Variants in CCDC3 observed in about 807,000 individuals in gnomAD.
CCDC3 encodes the protein coiled-coil domain-containing protein 3.
A neutral mutation model predicts 21.4 loss-of-function variants in CCDC3; 24 were observed. The observed-to-expected ratio is 1.12, with a 90% CI of 0.81 to 1.58. The LOEUF is 1.58. CCDC3 is among the 40% of genes most tolerant of loss of function. The pLI is 0.00. For missense variants in CCDC3, 425 were observed against 360.9 expected (o/e 1.18, Z -1.44); for synonymous variants, 186 against 166.0 (o/e 1.12, Z -0.93).
intron 2 of CCDC3, among the ~76,000 whole-genome samples, chr10:12,952,125 G>A (rs189396374): frequency 2.0e-5 from 3 of 152,246 alleles, no homozygotes; most frequent in Non-Finnish European, 4.4e-5. Flanking sequence ...GCCCAAATCA[G>A]GTGAGACCAA....
At chr10:13,077,936 G>A (rs1836986188) in intron 3 of CCDC3, among the ~76,000 whole-genome samples, 1 of 152,108 alleles carries the variant, frequency 6.6e-6, no homozygotes, top group South Asian at 2.1e-4. Context: ...TACCATTCAG[G>A]ACATAGGCAT....
At chr10:13,044,407 G>T (rs1465905051) in intron 5 of CCDC3, among the ~76,000 whole-genome samples, 1 of 152,182 alleles carries the variant, frequency 6.6e-6, no homozygotes, top group African/African-American at 2.4e-5. Flanking sequence ...TGAGGACTTT[G>T]TCATAAATTC....
At chr10:12,986,730 G>A (rs977849961) in intron 2 of CCDC3, among the ~76,000 whole-genome samples, 2 of 150,240 alleles carry the variant, frequency 1.3e-5, no homozygotes, top group East Asian at 2.0e-4. Context: ...CCGAGATCGT[G>A]CCACTGCACC....
chr10:12,996,781 G>A (rs1835767909), intron 2 of CCDC3, among the ~76,000 whole-genome samples: 1 of 152,162 alleles, frequency 6.6e-6, no homozygotes, highest in Non-Finnish European at 1.5e-5. Flanking sequence ...GTCCTTTGCA[G>A]ACATGGATGC....
chr10:12,925,533 C>T (rs760898974), intron 2 of CCDC3, among the ~76,000 whole-genome samples: 1 of 152,228 alleles, frequency 6.6e-6, no homozygotes, highest in Non-Finnish European at 1.5e-5. Flanking sequence ...ACACTCTGAC[C>T]CTGCCTAGCA....
intron 5 of CCDC3, among the ~76,000 whole-genome samples, chr10:13,042,133 C>T (rs1317803994): frequency 1.3e-5 from 2 of 152,210 alleles, no homozygotes; most frequent in Non-Finnish European, 1.5e-5. Flanking sequence ...CAAATATTAA[C>T]GATGCCGTTT....
intron 4 of CCDC3, among the ~76,000 whole-genome samples, chr10:13,061,203 A>C (rs1836753325): frequency 6.6e-6 from 1 of 152,194 alleles, no homozygotes; most frequent in Non-Finnish European, 1.5e-5. Flanking sequence ...AGCCATTCTA[A>C]AATCTTCCTG....
intron 3 of CCDC3, among the ~76,000 whole-genome samples, chr10:13,088,226 T>C (rs1837136516): frequency 6.6e-6 from 1 of 152,166 alleles, no homozygotes; most frequent in Non-Finnish European, 1.5e-5. Flanking sequence ...ATTGTAAAAG[T>C]AGTGTTGGTT....
intron 4 of CCDC3, among the ~76,000 whole-genome samples, chr10:13,065,152 T>A (rs543195484): frequency 6.6e-6 from 1 of 152,278 alleles, no homozygotes; most frequent in Non-Finnish European, 1.5e-5. Context: ...TGAATACAGA[T>A]CTCTTTGTTA....
intron 5 of CCDC3, among the ~76,000 whole-genome samples, chr10:13,023,518 G>A (rs1836175080): frequency 6.6e-6 from 1 of 152,094 alleles, no homozygotes; most frequent in African/African-American, 2.4e-5. Flanking sequence ...ATGCCCCAGT[G>A]TGCAAGTATT....
At chr10:13,080,637 A>T (rs756127465) in intron 3 of CCDC3, among the ~76,000 whole-genome samples, 16 of 152,276 alleles carry the variant, frequency 1.1e-4, no homozygotes, top group Non-Finnish European at 1.9e-4. Context: ...AACCCCTTAT[A>T]AAGAAAATCT....
intron 2 of CCDC3, among the ~76,000 whole-genome samples, chr10:12,952,864 A>T (rs1412608957): frequency 6.6e-6 from 1 of 152,054 alleles, no homozygotes; most frequent in Non-Finnish European, 1.5e-5. Context: ...CCATGTGCAC[A>T]TCCATGGGTT....
chr10:12,938,954 A>G (rs577981951), intron 2 of CCDC3, among the ~76,000 whole-genome samples: 1 of 152,278 alleles, frequency 6.6e-6, no homozygotes, highest in Non-Finnish European at 1.5e-5. Flanking sequence ...AAATAAACAC[A>G]CACAATAAAT....
upstream of CCDC3, among the ~76,000 whole-genome samples, chr10:13,003,910 A>C (rs1423801980): frequency 6.6e-6 from 1 of 152,214 alleles, no homozygotes; most frequent in Admixed American, 6.5e-5. Context: ...TTCAGCAGAC[A>C]CATCAGTCAT....
intron 5 of CCDC3, among the ~76,000 whole-genome samples, chr10:13,042,802 G>A (rs1161536698): frequency 1.3e-5 from 2 of 151,454 alleles, no homozygotes. Context: ...CCAGCTACCC[G>A]GGAGGCTGAG....
chr10:12,982,792 CAAAAAAAA>C (rs61685162), intron 2 of CCDC3, among the ~76,000 whole-genome samples: 1 of 52,902 alleles, frequency 1.9e-5, no homozygotes, highest in Admixed American at 3.6e-4. Flanking sequence ...GACTCTGTCT[CAAAAAAAA>C]AAAAAAAAAA....
At chr10:12,972,290 A>G (rs1835355580) in intron 2 of CCDC3, among the ~76,000 whole-genome samples, 1 of 151,928 alleles carries the variant, frequency 6.6e-6, no homozygotes. Context: ...CCTCACCCCC[A>G]ACTTCCAAAG....
intron 2 of CCDC3, among the ~76,000 whole-genome samples, chr10:12,908,380 A>G (rs1318854350): frequency 6.6e-6 from 1 of 151,130 alleles, no homozygotes; most frequent in Non-Finnish European, 1.5e-5. Context: ...GATCTCCAAC[A>G]TGCAGCAAGA....
At chr10:12,952,560 C>T (rs1835022910) in intron 2 of CCDC3, among the ~76,000 whole-genome samples, 1 of 152,160 alleles carries the variant, frequency 6.6e-6, no homozygotes, top group Admixed American at 6.5e-5. Context: ...AGCCGAGTTC[C>T]CCTCTTACTT....
Sources: allele counts gnomAD v4.1 joint callset (sites outside exome capture counted in the v4.1 genomes callset), GRCh38; gene constraint gnomAD v4.1.1; transcripts MANE v1.5; gene names NCBI Gene and HGNC (gene_info 2026-07-23, HGNC 2026-07-21).